Variants in HIVEP3 observed in about 807,000 individuals in gnomAD.
HIVEP3 encodes transcription factor HIVEP3.
Under a neutral mutation model 152.8 loss-of-function variants are expected in HIVEP3, and 49 were observed. The observed-to-expected ratio is 0.32, with a 90% CI of 0.26 to 0.41. The LOEUF is 0.41. Ranked by LOEUF, HIVEP3 falls within the 10% of genes least tolerant of loss-of-function variation. HIVEP3 has a pLI of 1.00. For missense variants in HIVEP3, 2,790 were observed against 3,103.3 expected (o/e 0.90, Z 2.40); for synonymous variants, 1,269 against 1,289.0 (o/e 0.98, Z 0.33).
chr1:41,970,283 A>G (rs1242932765), intron 1 of HIVEP3, among the ~76,000 whole-genome samples: 2 of 152,378 alleles, frequency 1.3e-5, no homozygotes, highest in East Asian at 1.9e-4. Flanking sequence ...ACATGGAATC[A>G]ACCAAAATGC....
chr1:41,772,037 C>T (rs997667227), intron 1 of HIVEP3, among the ~76,000 whole-genome samples: 3 of 152,176 alleles, frequency 2.0e-5, no homozygotes, highest in African/African-American at 4.8e-5. Flanking sequence ...CCACTTGCCA[C>T]GAGCGGCCTC....
intron 1 of HIVEP3, among the ~76,000 whole-genome samples, chr1:41,987,184 C>T (rs1357544539): frequency 1.3e-5 from 2 of 152,210 alleles, no homozygotes; most frequent in South Asian, 4.1e-4. Context: ...AATCTATAAA[C>T]ATAGAAGAAT....
intron 1 of HIVEP3, among the ~76,000 whole-genome samples, chr1:41,854,401 G>A (rs370198936): frequency 3.9e-5 from 6 of 152,080 alleles, no homozygotes; most frequent in African/African-American, 1.2e-4. Flanking sequence ...GAAAACAGAA[G>A]AGCCTCACCC....
intron 1 of HIVEP3, among the ~76,000 whole-genome samples, chr1:41,962,851 CA>C (rs1362178341): frequency 6.6e-6 from 1 of 152,202 alleles, no homozygotes; most frequent in African/African-American, 2.4e-5. Flanking sequence ...GGTTTTTGAA[CA>C]ACAGTACAAG....
Position 41,581,250 on chromosome 1 carries a change from G to A in HIVEP3, c.3548C>T (p.Pro1183Leu). The change falls in exon 4 of 9, where the codon CCC (proline) becomes CTC (leucine). Residue 1183 changes from proline (P) to leucine (L), a missense_variant. Physicochemically the swap from Pro to Leu is moderately conservative, Grantham distance 98. Transcript: ENST00000372583. The surrounding 1 kb of genome is among the most constrained non-coding windows in gnomAD (Gnocchi z 4.5). ...SSPYSMPPLP[P>L]SLFQAPPLPL... ...AAGCGGTGGGGCTTGAAATAAGGAG[G>A]GAGGAAGTGGGGGCATGGAGTATGG... 6.3e-7 allele frequency: 1 copy of A among 1,591,954 alleles called. No homozygotes were observed. Among genetic ancestry groups the A allele is most frequent in the Non-Finnish European group, 8.5e-7 (1 of 1,169,602 alleles).
chr1:41,529,155 ACCCT>A, intron 5 of HIVEP3, among the ~76,000 whole-genome samples: 1 of 44,554 alleles, frequency 2.2e-5, no homozygotes, highest in Non-Finnish European at 4.3e-5. Flanking sequence ...ACACACCCTC[ACCCT>A]CACACATGCT....
rs552703917 is a variant in HIVEP3, at chr1:41,977,426, T to C, written n.119+58381A>G. Among the ~76,000 whole-genome samples the C allele has an allele frequency of 2.1e-3, 327 of 152,218 alleles. 1 individual carries two copies. The highest frequency in any genetic ancestry group is 7.5e-3 in the African/African-American group (313 of 41,532). ...GCTCCCCCACTCCCCAGCTGCTTGC[T>C]TGCCTGCCTGCCTGCCTCTCAGCCT... On this transcript the variant is annotated intron_variant and non_coding_transcript_variant, in intron 1 of 3. Coordinates refer to the HIVEP3 transcript ENST00000489103.
At chr1:41,907,638 C>A (rs1283618136) in intron 1 of HIVEP3, among the ~76,000 whole-genome samples, 1 of 152,230 alleles carries the variant, frequency 6.6e-6, no homozygotes, top group East Asian at 1.9e-4. Flanking sequence ...TGCCCCACCA[C>A]TAGTAGGCTC....
chr1:41,669,398 C>T (rs1645842052), intron 2 of HIVEP3, among the ~76,000 whole-genome samples: 2 of 152,058 alleles, frequency 1.3e-5, no homozygotes, highest in Admixed American at 6.6e-5. Context: ...TGTGCCATCT[C>T]GACTGGGCCA....
At chr1:41,653,797 TG>T (rs1645587885) in intron 2 of HIVEP3, among the ~76,000 whole-genome samples, 1 of 152,122 alleles carries the variant, frequency 6.6e-6, no homozygotes. Flanking sequence ...CCTTGCTCAG[TG>T]GCTTTCAGCC....
At chr1:41,545,654 T>TCACCACC (rs1643771923) in intron 5 of HIVEP3, among the ~76,000 whole-genome samples, 1 of 22,562 alleles carries the variant, frequency 4.4e-5, no homozygotes, top group East Asian at 3.6e-3. Context: ...TCACCACCAC[T>TCACCACC]ACCACCCCTG....
At chr1:41,898,943 T>C (rs148965220) in intron 1 of HIVEP3, among the ~76,000 whole-genome samples, 1 of 152,368 alleles carries the variant, frequency 6.6e-6, no homozygotes, top group Non-Finnish European at 1.5e-5. Flanking sequence ...TGCTCCCTCC[T>C]TGCAAAGAGG....
chr1:41,953,613 A>T (rs144053659), intron 1 of HIVEP3, among the ~76,000 whole-genome samples: 75 of 152,300 alleles, frequency 4.9e-4, no homozygotes, highest in African/African-American at 1.7e-3. Context: ...GTTTGGAGTA[A>T]GTGCTTTATA....
chr1:41,867,467 C>A (rs920158181), intron 1 of HIVEP3, among the ~76,000 whole-genome samples: 5 of 152,178 alleles, frequency 3.3e-5, no homozygotes, highest in African/African-American at 1.2e-4. Context: ...GATGCTGAGG[C>A]CTCACCAAGC....
At chr1:41,912,076 A>C (rs1644804671) in intron 1 of HIVEP3, among the ~76,000 whole-genome samples, 1 of 152,244 alleles carries the variant, frequency 6.6e-6, no homozygotes, top group Non-Finnish European at 1.5e-5. Context: ...AACACGCATA[A>C]CTAGACAATA....
chr1:41,721,522 T>A (rs1646674383), intron 1 of HIVEP3, among the ~76,000 whole-genome samples: 1 of 152,160 alleles, frequency 6.6e-6, no homozygotes, highest in Non-Finnish European at 1.5e-5. Context: ...GCAATTTTTT[T>A]AAAAGCTCAT....
At chr1:41,828,973 C>T (rs989518514) in intron 1 of HIVEP3, among the ~76,000 whole-genome samples, 7 of 152,190 alleles carry the variant, frequency 4.6e-5, no homozygotes, top group African/African-American at 1.7e-4. Context: ...CCAACATTGC[C>T]CAACCCTCCT....
chr1:41,735,297 C>T (rs980505961), intron 1 of HIVEP3, among the ~76,000 whole-genome samples: 1 of 152,216 alleles, frequency 6.6e-6, no homozygotes, highest in African/African-American at 2.4e-5. Flanking sequence ...GTCTAGCACA[C>T]AGCATGCATA....
chr1:41,683,575 G>C (rs887665412), intron 2 of HIVEP3, among the ~76,000 whole-genome samples: 4 of 152,246 alleles, frequency 2.6e-5, no homozygotes, highest in African/African-American at 9.6e-5. Context: ...TCTTGAGTCT[G>C]AGTAAAGGAA....
Sources: gnomAD v4.1 joint callset for allele counts (sites outside exome capture counted in the v4.1 genomes callset) on GRCh38, gnomAD v4.1.1 for gene constraint, Gnocchi (gnomAD v3.1) non-coding constraint, MANE v1.5 for transcripts, NCBI Gene and HGNC (gene_info 2026-07-23, HGNC 2026-07-21) for gene names.